The following CYSTM1 variants were observed in gnomAD, a reference collection of about 807,000 sequenced individuals.
CYSTM1 encodes the protein cysteine-rich transmembrane module-containing protein 1.
A neutral mutation model predicts 13.1 loss-of-function variants in CYSTM1; 4 were observed. The ratio of observed to expected loss-of-function variants is 0.31; its 90% CI spans 0.15 to 0.70. The LOEUF (loss-of-function observed/expected upper bound fraction) is 0.70, where lower values mean the gene tolerates loss of function less well. Among genes scored for constraint, CYSTM1 ranks in the 30% least tolerant of loss-of-function variants. The probability of loss-of-function intolerance (pLI) is 0.72; values close to 1 mark genes in which losing one functional copy is unlikely to be tolerated. For synonymous variants in CYSTM1, 36 were observed against 42.7 expected (o/e 0.84, Z 0.62); for missense variants, 96 against 121.6 (o/e 0.79, Z 0.99).
At chr5:140,204,815 C>T (rs1235139573) in intron 2 of CYSTM1, among the ~76,000 whole-genome samples, 2 of 151,994 alleles carry the variant, frequency 1.3e-5, no homozygotes, top group African/African-American at 2.4e-5. Context: ...TCAGTAAATA[C>T]GTGTTAGATG....
chr5:140,213,541 C>T (rs1764395912), intron 2 of CYSTM1, among the ~76,000 whole-genome samples: 1 of 152,114 alleles, frequency 6.6e-6, no homozygotes, highest in Admixed American at 6.5e-5. Context: ...TTGTAATGTC[C>T]TAGGCTTTCA....
chr5:140,196,659 C>T (rs368308865), intron 2 of CYSTM1, among the ~76,000 whole-genome samples: 1 of 152,150 alleles, frequency 6.6e-6, no homozygotes, highest in Non-Finnish European at 1.5e-5. Flanking sequence ...GTATTCAGGC[C>T]TGTGACATCA....
At chr5:140,211,009 G>A (rs1764360675) in intron 2 of CYSTM1, among the ~76,000 whole-genome samples, 1 of 152,160 alleles carries the variant, frequency 6.6e-6, no homozygotes, top group Non-Finnish European at 1.5e-5. Context: ...TGCAGTCTGG[G>A]GCTAGAGAAT....
chr5:140,182,736 A>G (rs1018321325), intron 1 of CYSTM1, among the ~76,000 whole-genome samples: 6 of 152,056 alleles, frequency 3.9e-5, no homozygotes, highest in African/African-American at 1.5e-4. Flanking sequence ...GTTATCATCT[A>G]GAATTTTTTT....
intron 1 of CYSTM1, among the ~76,000 whole-genome samples, chr5:140,177,068 C>CAAAAAAAAAAACAAAAAAAAAAA (rs1763897904): frequency 2.3e-5 from 2 of 87,950 alleles, no homozygotes; most frequent in African/African-American, 8.7e-5. Context: ...GACTCTGTCT[C>CAAAAAAAAAAACAAAAAAAAAAA]AAAAAAAAAA....
At chr5:140,179,928 G>A (rs1763943661) in intron 1 of CYSTM1, among the ~76,000 whole-genome samples, 2 of 152,150 alleles carry the variant, frequency 1.3e-5, no homozygotes, top group Non-Finnish European at 2.9e-5. Context: ...CTCCCAAAGT[G>A]CTGGGATTAC....
intron 2 of CYSTM1, among the ~76,000 whole-genome samples, chr5:140,227,730 A>G (rs538532896): frequency 6.6e-6 from 1 of 152,240 alleles, no homozygotes; most frequent in East Asian, 1.9e-4. Flanking sequence ...GTTGAAATAG[A>G]CGCTTGAAGA....
chr5:140,216,840 C>T (rs2126665848), intron 2 of CYSTM1, among the ~76,000 whole-genome samples: 1 of 152,166 alleles, frequency 6.6e-6, no homozygotes, highest in South Asian at 2.1e-4. Flanking sequence ...GACCCATCCT[C>T]AGGGCTTTCT....
chr5:140,223,729 G>A (rs1160598337), intron 2 of CYSTM1, among the ~76,000 whole-genome samples: 1 of 152,198 alleles, frequency 6.6e-6, no homozygotes, highest in Non-Finnish European at 1.5e-5. Flanking sequence ...CTACACCCTG[G>A]GAGGGGCCTG....
At chr5:140,215,487 G>A (rs1194620705) in intron 2 of CYSTM1, among the ~76,000 whole-genome samples, 2 of 138,720 alleles carry the variant, frequency 1.4e-5, no homozygotes, top group Non-Finnish European at 1.6e-5. Flanking sequence ...CTGTTCCTGG[G>A]TTATACCCTG....
At chr5:140,228,591 C>G (rs1764587142) in intron 2 of CYSTM1, 1 of 394,734 alleles carries the variant, frequency 2.5e-6, no homozygotes, top group East Asian at 3.6e-5. Context: ...AGCTTGGCCC[C>G]TGCCCTGCCC....
At chr5:140,227,830 G>A (rs944129390) in intron 2 of CYSTM1, among the ~76,000 whole-genome samples, 5 of 152,134 alleles carry the variant, frequency 3.3e-5, no homozygotes, top group African/African-American at 9.7e-5. Flanking sequence ...GGAATCAGAC[G>A]AGCCTGGATT....
At position 140,230,084 on chromosome 5, in the gene CYSTM1, A is replaced by C; in HGVS notation, c.188-13221A>C. On this transcript the variant is annotated intron_variant, in intron 2 of 2. Transcript: ENST00000261811. This position sits in a 1 kb window ranked among gnomAD's most constrained non-coding sequence, Gnocchi z 4.1. The stretch of plus-strand genomic sequence containing the variant: ...CAGGGGTTTCACCATGTTGGTCAGT[A>C]TGGTCTCGAACTCCTGACCTCAGGT... 6.6e-6 allele frequency among the ~76,000 whole-genome samples: 1 copy of C among 152,080 alleles called. No individual in the cohort carries two copies. Among genetic ancestry groups the C allele is most frequent in the East Asian group, 1.9e-4 (1 of 5,188 alleles).
chr5:140,239,732 C>G lies in CYSTM1; in HGVS notation c.188-3573C>G. ...GTGTTTGCATCCATGTGGCAAAGCT[C>G]TGGGTGCCTGCCCCTCTGCAGGCCC... On this transcript the variant is annotated intron_variant, in intron 2 of 2. Coordinates refer to ENST00000261811, the MANE Select transcript of CYSTM1 (RefSeq NM_032412.4). The surrounding 1 kb of genome is among the most constrained non-coding windows in gnomAD (Gnocchi z 5.4). Among the ~76,000 whole-genome samples, 1 of 152,208 alleles carries G rather than the reference C, an allele frequency of 6.6e-6. No individual in the cohort carries two copies. Among genetic ancestry groups the G allele is most frequent in the East Asian group, 1.9e-4 (1 of 5,170 alleles).
chr5:140,218,053 G>A (rs1476007797), intron 2 of CYSTM1, among the ~76,000 whole-genome samples: 2 of 152,148 alleles, frequency 1.3e-5, no homozygotes, highest in Non-Finnish European at 2.9e-5. Context: ...TTGGTAGAAA[G>A]GTTCTTGGTG....
chr5:140,232,812 C>T (rs1764632072), intron 2 of CYSTM1, among the ~76,000 whole-genome samples: 1 of 152,174 alleles, frequency 6.6e-6, no homozygotes, highest in South Asian at 2.1e-4. Flanking sequence ...AGCATGCTAA[C>T]AAAACATTGA....
chr5:140,228,802 T>TCTG (rs1561816816), intron 2 of CYSTM1: 1 of 399,208 alleles, frequency 2.5e-6, no homozygotes, highest in Non-Finnish European at 4.4e-6. Flanking sequence ...TGGGCTGCTC[T>TCTG]CTGCTGCTGC....
At chr5:140,186,936 G>T (rs765152338) in intron 1 of CYSTM1, among the ~76,000 whole-genome samples, 3 of 152,048 alleles carry the variant, frequency 2.0e-5, no homozygotes, top group Non-Finnish European at 4.4e-5. Context: ...GACCAGCCTG[G>T]CCAACATGGT....
At chr5:140,234,172 G>A (rs1764650796) in intron 2 of CYSTM1, among the ~76,000 whole-genome samples, 1 of 152,186 alleles carries the variant, frequency 6.6e-6, no homozygotes, top group Non-Finnish European at 1.5e-5. Context: ...GAGGGGTTTT[G>A]TGAGGTGTTC....
Sources: gnomAD v4.1 joint callset for allele counts (sites outside exome capture counted in the v4.1 genomes callset) on GRCh38, gnomAD v4.1.1 for gene constraint, Gnocchi (gnomAD v3.1) non-coding constraint, MANE v1.5 for transcripts, NCBI Gene and HGNC (gene_info 2026-07-23, HGNC 2026-07-21) for gene names.